The following SGCE variants were observed in gnomAD, a reference collection of about 807,000 sequenced individuals.
SGCE encodes the protein epsilon-sarcoglycan.
In SGCE, 26 loss-of-function variants were observed where a neutral mutation model predicts 57.8. The ratio of observed to expected loss-of-function variants is 0.45; its 90% CI spans 0.33 to 0.62. SGCE has a LOEUF of 0.62. SGCE is among the 20% of genes least tolerant of loss of function. SGCE has a pLI of 0.02. For missense variants in SGCE, 468 were observed against 548.6 expected, an observed-to-expected ratio of 0.85 and a Z score of 1.47; for synonymous variants, 183 against 189.5, an observed-to-expected ratio of 0.97 and a Z score of 0.28.
At chr7:94,632,730 T>G (rs1804907175) in intron 1 of SGCE, among the ~76,000 whole-genome samples, 1 of 152,126 alleles carries the variant, frequency 6.6e-6, no homozygotes, top group Admixed American at 6.6e-5. Context: ...CTTTCGCATT[T>G]GTTACTTGCA....
At chr7:94,646,305 A>C (rs1584767380) in intron 1 of SGCE, among the ~76,000 whole-genome samples, 1 of 152,240 alleles carries the variant, frequency 6.6e-6, no homozygotes, top group Non-Finnish European at 1.5e-5. Flanking sequence ...CAATATCAAA[A>C]TTGAGTGGAA....
chr7:94,601,440 T>A, intron 6 of SGCE, among the ~76,000 whole-genome samples: 1 of 60,926 alleles, frequency 1.6e-5, no homozygotes, highest in African/African-American at 1.5e-4. Flanking sequence ...TCTATCCCAG[T>A]ATCAAAAAAA....
intron 1 of SGCE, among the ~76,000 whole-genome samples, chr7:94,652,903 C>T (rs1808097098): frequency 6.6e-6 from 1 of 151,964 alleles, no homozygotes; most frequent in Non-Finnish European, 1.5e-5. Context: ...AATAAGGTGT[C>T]CAAATAGAAA....
chr7:94,641,833 GT>G (rs1442672449), intron 1 of SGCE, among the ~76,000 whole-genome samples: 1 of 151,982 alleles, frequency 6.6e-6, no homozygotes, highest in African/African-American at 2.4e-5. Context: ...TAGAGATGGG[GT>G]CCACTATGTT....
intron 3 of SGCE, chr7:94,624,341 A>G: frequency 7.6e-6 from 3 of 397,156 alleles, no homozygotes; most frequent in Non-Finnish European, 1.3e-5. Context: ...TATACATTAC[A>G]TGTGTCAAAA....
chr7:94,618,582 C>T (rs1161101725), intron 5 of SGCE, 176 bp downstream of exon 5: 2 of 587,380 alleles, frequency 3.4e-6, no homozygotes, highest in Admixed American at 6.4e-5. Context: ...TATAAAAAAC[C>T]ACTAACACAA....
chr7:94,629,612 C>A, intron 2 of SGCE, 107 bp downstream of exon 2: 1 of 999,304 alleles, frequency 1.0e-6, no homozygotes. Flanking sequence ...CATATTTAGA[C>A]CATTTGAAAT....
At chr7:94,610,229 T>C (rs906213046) in intron 5 of SGCE, among the ~76,000 whole-genome samples, 1 of 152,132 alleles carries the variant, frequency 6.6e-6, no homozygotes, top group African/African-American at 2.4e-5. Context: ...AGGTGGGACA[T>C]AGATGACTTT....
chr7:94,623,537 G>A, intron 3 of SGCE, 140 bp from the exon 4 acceptor site: 1 of 636,192 alleles, frequency 1.6e-6, no homozygotes, highest in Non-Finnish European at 2.8e-6. Context: ...TTCCTTCTCT[G>A]GGCAATGAGA....
intron 10 of SGCE, chr7:94,587,925 C>G: frequency 6.9e-7 from 1 of 1,445,572 alleles, no homozygotes; most frequent in Non-Finnish European, 9.1e-7. Flanking sequence ...TTCCCTACCA[C>G]AATGCCGCTA....
intron 9 of SGCE, among the ~76,000 whole-genome samples, chr7:94,592,438 T>G (rs1433698514): frequency 6.6e-6 from 1 of 152,146 alleles, no homozygotes; most frequent in Non-Finnish European, 1.5e-5. Context: ...CTTAATGAAG[T>G]CATAAAACAA....
chr7:94,603,560 G>C, intron 5 of SGCE, 108 bp from the exon 6 acceptor site: 1 of 1,009,914 alleles, frequency 9.9e-7, no homozygotes, highest in South Asian at 1.4e-5. Flanking sequence ...AGATTAACTA[G>C]ACTCATCCCT....
At chr7:94,623,748 C>A (rs916020763) in intron 3 of SGCE, 8 of 390,904 alleles carry the variant, frequency 2.0e-5, no homozygotes, top group South Asian at 1.3e-4. Context: ...AAAAAAAAAA[C>A]AATAATTTTT....
At chr7:94,595,554 C>A (rs1419545354) in intron 9 of SGCE, among the ~76,000 whole-genome samples, 1 of 152,106 alleles carries the variant, frequency 6.6e-6, no homozygotes, top group South Asian at 2.1e-4. Context: ...ATTATCCAAG[C>A]ATATACCTGG....
At chr7:94,612,604 C>A (rs1375522087) in intron 5 of SGCE, among the ~76,000 whole-genome samples, 1 of 152,078 alleles carries the variant, frequency 6.6e-6, no homozygotes, top group Admixed American at 6.6e-5. Flanking sequence ...AATAATATTA[C>A]AAAGACTATC....
chr7:94,599,900 G>A lies in SGCE; in HGVS notation c.1038-177C>T, dbSNP rs559488029. On this transcript the variant is annotated intron_variant, in intron 7 of 10. Coordinates refer to ENST00000648936, the MANE Select transcript of SGCE (RefSeq NM_003919.3). The stretch of plus-strand genomic sequence containing the variant: ...TTGCTTGGATGAGTACACATACAGC[G>A]ATGGAATACTGATGAGAAACACATA... The A allele has an allele frequency of 1.4e-3, 714 of 520,258 alleles. 15 individuals are homozygous for A. In the South Asian group the frequency reaches 0.021, roughly 16 times the overall value. 32.2% of individuals were successfully genotyped at this position (520,258 alleles called of 1,614,324 possible).
At chr7:94,599,654 G>A in intron 8 of SGCE, 43 bp downstream of exon 8, 3 of 1,556,744 alleles carry the variant, frequency 1.9e-6, no homozygotes, top group South Asian at 2.2e-5. Flanking sequence ...ACTGAGAGGT[G>A]GGAAAAAATG....
intron 7 of SGCE, 31 bp from the exon 8 acceptor site, chr7:94,599,754 T>C: frequency 7.0e-7 from 1 of 1,427,800 alleles, no homozygotes; most frequent in Middle Eastern, 1.8e-4. Context: ...ATGAATTAAA[T>C]AATAGCATTG....
intron 9 of SGCE, among the ~76,000 whole-genome samples, chr7:94,593,173 A>G (rs768983269): frequency 3.9e-5 from 6 of 152,158 alleles, no homozygotes; most frequent in Non-Finnish European, 7.4e-5. Flanking sequence ...ACTGTCTTCA[A>G]TTAGAAGACT....
Sources: allele counts gnomAD v4.1 joint callset (sites outside exome capture counted in the v4.1 genomes callset), GRCh38; gene constraint gnomAD v4.1.1; transcripts MANE v1.5; gene names NCBI Gene and HGNC (gene_info 2026-07-23, HGNC 2026-07-21).